DMGDH: variants seen among roughly 807,000 people sequenced by gnomAD.
DMGDH encodes dimethylglycine dehydrogenase, also known as dimethylglycine dehydrogenase, mitochondrial.
A neutral mutation model predicts 95.2 loss-of-function variants in DMGDH; 76 were observed. That is an observed-to-expected ratio of 0.80 (90% confidence interval 0.66 to 0.97). DMGDH has a LOEUF of 0.97. DMGDH is among the 50% of genes least tolerant of loss of function. The pLI is 0.00. For synonymous variants in DMGDH, 345 were observed against 377.6 expected (o/e 0.91, Z 1.00); for missense variants, 987 against 1,055.0 (o/e 0.94, Z 0.89).
At chr5:79,032,572 A>C in intron 9 of DMGDH, 115 bp downstream of exon 9, 2 of 1,429,810 alleles carry the variant, frequency 1.4e-6, no homozygotes, top group Admixed American at 1.7e-5. Context: ...GACAAAGCTC[A>C]GTGCTCCTTG....
At chr5:79,048,998 A>C (rs1202343892) in intron 5 of DMGDH, among the ~76,000 whole-genome samples, 1 of 152,230 alleles carries the variant, frequency 6.6e-6, no homozygotes, top group Non-Finnish European at 1.5e-5. Flanking sequence ...GTGGCTGGGC[A>C]AAAAGCACAA....
Position 79,030,679 on chromosome 5 carries a change from AG to A in DMGDH, c.1683+153del, listed in dbSNP as rs1178061136. On this transcript the variant is annotated intron_variant, in intron 10 of 15. Coordinates refer to ENST00000255189, the MANE Select transcript of DMGDH (RefSeq NM_013391.3). ...AAAAAAAAAAAAAGAAAAGAAAAAA[AG>A]AAAGTAAATAAGCTTGTATACTTGT... 9.1e-6 allele frequency: 7 copies of A among 770,872 alleles called. No homozygotes were observed. In the East Asian group the frequency reaches 1.6e-4, roughly 18 times the overall value. 47.8% of individuals were successfully genotyped at this position (770,872 alleles called of 1,614,324 possible). A position where few individuals can be genotyped will look rare whatever the true frequency, so the allele number is the denominator to read the frequency against.
At chr5:79,022,246 G>A (rs1753888523) in intron 14 of DMGDH, among the ~76,000 whole-genome samples, 2 of 152,140 alleles carry the variant, frequency 1.3e-5, no homozygotes, top group African/African-American at 4.8e-5. Context: ...GCAATTATAG[G>A]CTTACAGTAT....
chr5:79,020,022 G>A (rs1753827322), intron 14 of DMGDH, among the ~76,000 whole-genome samples: 3 of 152,190 alleles, frequency 2.0e-5, no homozygotes, highest in African/African-American at 7.2e-5. Flanking sequence ...TGACAGTGAT[G>A]CTGCTGGTCT....
Position 79,055,872 on chromosome 5 carries a change from A to G in DMGDH, c.313T>C (p.Leu105=). ...ATGCTATCATAATGTATTTTCTTCAAGTTTATTCCAGGATGAAAGTAAGTT... is the reference window on the plus strand; with the variant it reads ...ATGCTATCATAATGTATTTTCTTCAGGTTTATTCCAGGATGAAAGTAAGTT... ...LTTYFHPGIN[L]KKIHYDSIKL... Residue 105 remains leucine, a synonymous_variant, in exon 3 of 16, where the codon TTG becomes CTG. Coordinates refer to ENST00000255189, the MANE Select transcript of DMGDH (RefSeq NM_013391.3). 2 of 1,612,364 alleles carry G rather than the reference A, an allele frequency of 1.2e-6. No homozygotes were observed. The highest frequency in any genetic ancestry group is 1.7e-6 in the Non-Finnish European group (2 of 1,178,448).
intron 6 of DMGDH, among the ~76,000 whole-genome samples, chr5:79,043,735 C>T (rs1194766046): frequency 6.6e-6 from 1 of 152,162 alleles, no homozygotes; most frequent in Non-Finnish European, 1.5e-5. Flanking sequence ...AAAAACAGAA[C>T]CATCTCCCTT....
chr5:79,044,932 A>G (rs1754628171), intron 5 of DMGDH, among the ~76,000 whole-genome samples: 1 of 152,218 alleles, frequency 6.6e-6, no homozygotes, highest in African/African-American at 2.4e-5. Flanking sequence ...ATATTTGTGG[A>G]CAGGGACAGT....
At chr5:79,001,307 T>C (rs147523870) in intron 15 of DMGDH, among the ~76,000 whole-genome samples, 4,393 of 152,208 alleles carry the variant, frequency 0.029, 197 homozygotes, top group African/African-American at 0.098. Context: ...GGACTACAGG[T>C]GTACACCACC....
chr5:79,054,072 G>T, intron 4 of DMGDH, 112 bp downstream of exon 4: 2 of 1,190,936 alleles, frequency 1.7e-6, no homozygotes, highest in Non-Finnish European at 2.4e-6. Context: ...ATATGATTTT[G>T]TCACATTTAA....
chr5:79,034,839 C>T (rs1307176570), intron 7 of DMGDH, among the ~76,000 whole-genome samples: 1 of 151,888 alleles, frequency 6.6e-6, no homozygotes, highest in African/African-American at 2.4e-5. Flanking sequence ...GGGCGGATCA[C>T]GAGGTCAGGA....
At chr5:79,054,393 T>C (rs1486512012) in intron 3 of DMGDH, 45 bp from the exon 4 acceptor site, 1 of 1,594,480 alleles carries the variant, frequency 6.3e-7, no homozygotes, top group African/African-American at 1.3e-5. Context: ...AGTCATTGTT[T>C]GGTACTCAAA....
At chr5:79,055,684 T>A (rs369954813) in intron 3 of DMGDH, 126 bp downstream of exon 3, 1 of 712,912 alleles carries the variant, frequency 1.4e-6, no homozygotes. Flanking sequence ...TAAACTCTCA[T>A]CATATTCCTC....
In DMGDH at chr5:79,069,551, C is replaced by G; in HGVS notation, c.70G>C (p.Gly24Arg). 1 of 1,317,520 alleles carries G rather than the reference C, an allele frequency of 7.6e-7. No homozygotes were observed. Among genetic ancestry groups the G allele is most frequent in the Non-Finnish European group, 9.7e-7 (1 of 1,036,006 alleles). The allele number at this position is 1,317,520 out of a possible 1,614,324, so 81.6% of individuals were successfully genotyped here. Reference sequence around the variant, plus strand: ...CGGCCGCAGACAGAGCGCGGGCGCCCGGGGGAGCCCTGCAGCGGGCAGCTC... The same window carrying G: ...CGGCCGCAGACAGAGCGCGGGCGCCGGGGGGAGCCCTGCAGCGGGCAGCTC... ...LRSCPLQGSP[G>R]RPRSVCGREG... The change falls in exon 1 of 16, where the codon GGG (glycine) becomes CGG (arginine). Residue 24 changes from glycine to arginine, a missense_variant. Coordinates refer to ENST00000255189, the MANE Select transcript of DMGDH (RefSeq NM_013391.3).
intron 5 of DMGDH, among the ~76,000 whole-genome samples, chr5:79,050,273 AATATATATATATATAT>A (rs761250761): frequency 2.8e-3 from 58 of 20,926 alleles, no homozygotes; most frequent in African/African-American, 7.3e-3. Flanking sequence ...AAAAAAAAAA[AATATATATATATATAT>A]ATATATATAT....
At chr5:79,068,298 T>C (rs1755440227) in intron 1 of DMGDH, among the ~76,000 whole-genome samples, 1 of 152,094 alleles carries the variant, frequency 6.6e-6, no homozygotes, top group South Asian at 2.1e-4. Flanking sequence ...CCATTTTATT[T>C]TGCACTGGAT....
intron 14 of DMGDH, among the ~76,000 whole-genome samples, chr5:79,015,625 T>A (rs1753717933): frequency 6.6e-6 from 1 of 152,172 alleles, no homozygotes; most frequent in African/African-American, 2.4e-5. Context: ...AAACAAAACA[T>A]ATGTTGTATG....
chr5:79,043,880 G>A lies in DMGDH; in HGVS notation c.994+424C>T, dbSNP rs114133148. On this transcript the variant is annotated intron_variant, in intron 6 of 15. Transcript: ENST00000255189. Reference sequence around the variant, plus strand: ...ACCCTGCTCTGTTATAGACTCTTGGGTTTTCCTTCTTATTAGGATGGATAT... The same window carrying A: ...ACCCTGCTCTGTTATAGACTCTTGGATTTTCCTTCTTATTAGGATGGATAT... Among the ~76,000 whole-genome samples the A allele has an allele frequency of 8.7e-3, 1,319 of 152,290 alleles. 19 individuals are homozygous for A. The highest frequency in any genetic ancestry group is 0.03 in the African/African-American group (1,260 of 41,556).
Position 79,046,265 on chromosome 5 carries a change from T to G in DMGDH, c.746-1713A>C, listed in dbSNP as rs574434214. Among the ~76,000 whole-genome samples the G allele has an allele frequency of 6.8e-4, 104 of 152,172 alleles. 1 individual carries two copies. In the South Asian group the frequency reaches 0.013, roughly 19 times the overall value. ...CCATGCCCAACTAATTTTTGTATTT[T>G]TAGTAGACGAGATTTCACCATTTTG... On this transcript the variant is annotated intron_variant, in intron 5 of 15. Transcript: ENST00000255189.
At chr5:79,004,764 A>G (rs1249438630) in intron 15 of DMGDH, among the ~76,000 whole-genome samples, 1 of 152,156 alleles carries the variant, frequency 6.6e-6, no homozygotes, top group Non-Finnish European at 1.5e-5. Flanking sequence ...TGAGAAGGTG[A>G]TTTTACTCTT....
Sources: gnomAD v4.1 joint callset for allele counts (sites outside exome capture counted in the v4.1 genomes callset) on GRCh38, gnomAD v4.1.1 for gene constraint, MANE v1.5 for transcripts, NCBI Gene and HGNC (gene_info 2026-07-23, HGNC 2026-07-21) for gene names.